The following MAGI2 variants were observed in gnomAD, a reference collection of about 807,000 sequenced individuals.
MAGI2 encodes membrane-associated guanylate kinase, WW and PDZ domain-containing protein 2.
In MAGI2, 35 loss-of-function variants were observed where a neutral mutation model predicts 133.3. The ratio of observed to expected loss-of-function variants is 0.26; its 90% CI spans 0.20 to 0.35. The LOEUF is 0.35. MAGI2 is among the 10% of genes least tolerant of loss of function. The pLI is 1.00. For synonymous variants in MAGI2, 729 were observed against 710.6 expected, an observed-to-expected ratio of 1.03 and a Z score of -0.41; for missense variants, 1,636 against 1,863.4, an observed-to-expected ratio of 0.88 and a Z score of 2.25.
At chr7:79,146,846 C>T (rs1338968459) in intron 1 of MAGI2, among the ~76,000 whole-genome samples, 1 of 152,206 alleles carries the variant, frequency 6.6e-6, no homozygotes, top group Non-Finnish European at 1.5e-5. Context: ...TCTTTTCCAT[C>T]TAATAGGGGA....
chr7:78,765,338 C>CT (rs1204112526), intron 2 of MAGI2, among the ~76,000 whole-genome samples: 1 of 117,712 alleles, frequency 8.5e-6, no homozygotes, highest in Non-Finnish European at 1.7e-5. Flanking sequence ...ATGTTTAGTG[C>CT]ACATCTTTTT....
intron 10 of MAGI2, among the ~76,000 whole-genome samples, chr7:78,208,483 A>G (rs1787349832): frequency 6.6e-6 from 1 of 152,220 alleles, no homozygotes; most frequent in Non-Finnish European, 1.5e-5. Flanking sequence ...GCTAAAACTC[A>G]GAGTGAGGTG....
At chr7:79,075,007 A>G (rs942013662) in intron 1 of MAGI2, among the ~76,000 whole-genome samples, 14 of 152,072 alleles carry the variant, frequency 9.2e-5, no homozygotes, top group African/African-American at 3.1e-4. Flanking sequence ...TCATTCTAAT[A>G]TTTTTCTATA....
chr7:78,027,414 G>T (rs1408306113), intron 21 of MAGI2, among the ~76,000 whole-genome samples: 1 of 152,042 alleles, frequency 6.6e-6, no homozygotes, highest in Non-Finnish European at 1.5e-5. Flanking sequence ...GATCACCTGA[G>T]GTCAGGAGTT....
intron 1 of MAGI2, among the ~76,000 whole-genome samples, chr7:79,127,480 A>T (rs9801543): frequency 2.0e-5 from 3 of 150,852 alleles, no homozygotes; most frequent in African/African-American, 7.3e-5. Context: ...TGACTTTTTA[A>T]TGATTGCCAT....
chr7:78,796,630 A>G (rs970157468), intron 2 of MAGI2, among the ~76,000 whole-genome samples: 2 of 152,132 alleles, frequency 1.3e-5, no homozygotes, highest in Non-Finnish European at 2.9e-5. Flanking sequence ...ACTGCTGTGT[A>G]TATATATTCA....
At chr7:78,081,407 C>G (rs2151192075) in intron 20 of MAGI2, among the ~76,000 whole-genome samples, 1 of 152,276 alleles carries the variant, frequency 6.6e-6, no homozygotes, top group Non-Finnish European at 1.5e-5. Flanking sequence ...GTAAATAAGG[C>G]TATTACTACT....
chr7:78,909,421 G>A (rs1311285656), intron 2 of MAGI2, among the ~76,000 whole-genome samples: 4 of 138,470 alleles, frequency 2.9e-5, no homozygotes, highest in African/African-American at 5.4e-5. Flanking sequence ...GTGAAACCCC[G>A]TCTCTACTAA....
At chr7:79,289,885 TA>T (rs1284148054) in intron 1 of MAGI2, among the ~76,000 whole-genome samples, 16 of 151,842 alleles carry the variant, frequency 1.1e-4, no homozygotes, top group Admixed American at 9.8e-4. Flanking sequence ...AAAAAAAATT[TA>T]AAAAATAAAA....
chr7:78,494,843 A>T (rs979975865), intron 5 of MAGI2, among the ~76,000 whole-genome samples: 1 of 152,188 alleles, frequency 6.6e-6, no homozygotes, highest in Non-Finnish European at 1.5e-5. Context: ...CAAATAGCCA[A>T]TTCTGAATCT....
At position 79,001,797 on chromosome 7, in the gene MAGI2, T is replaced by C. The variant is rs1426725157; in HGVS notation, c.418+5293A>G. Among the ~76,000 whole-genome samples, 6 of 152,338 alleles carry C rather than the reference T, an allele frequency of 3.9e-5. No homozygotes were observed. In the East Asian group the frequency reaches 1.2e-3, roughly 29 times the overall value. On this transcript the variant is annotated intron_variant, in intron 2 of 21. Transcript: ENST00000354212. ...ATATTACCCAAGAGACAATGCATGCTGCCTTAACTTTGCACATTTAACATG... is the reference window on the plus strand; with the variant it reads ...ATATTACCCAAGAGACAATGCATGCCGCCTTAACTTTGCACATTTAACATG...
chr7:78,114,670 G>A (rs989576610), intron 20 of MAGI2, among the ~76,000 whole-genome samples: 3 of 152,180 alleles, frequency 2.0e-5, no homozygotes, highest in African/African-American at 7.2e-5. Flanking sequence ...AGGGGACCAT[G>A]CTTCTCTGTG....
intron 2 of MAGI2, among the ~76,000 whole-genome samples, chr7:78,838,895 G>T (rs968022550): frequency 1.3e-5 from 2 of 152,042 alleles, no homozygotes; most frequent in Non-Finnish European, 2.9e-5. Context: ...GATTCCAAGT[G>T]TTATAACACT....
chr7:79,238,909 C>G (rs531401260), intron 1 of MAGI2, among the ~76,000 whole-genome samples: 4 of 152,132 alleles, frequency 2.6e-5, no homozygotes, highest in Middle Eastern at 3.4e-3. Flanking sequence ...CAAACTGGGT[C>G]TGATAAAAGA....
At chr7:78,660,016 G>C (rs191647375) in intron 2 of MAGI2, among the ~76,000 whole-genome samples, 6 of 151,614 alleles carry the variant, frequency 4.0e-5, no homozygotes, top group African/African-American at 1.5e-4. Context: ...GCAAACTATT[G>C]CAAGGACAAA....
At chr7:78,662,615 A>G (rs1339976663) in intron 2 of MAGI2, among the ~76,000 whole-genome samples, 1 of 152,184 alleles carries the variant, frequency 6.6e-6, no homozygotes, top group African/African-American at 2.4e-5. Context: ...ATGGAATTCA[A>G]TTCTATAGTG....
At chr7:79,244,357 G>C (rs182573630) in intron 1 of MAGI2, among the ~76,000 whole-genome samples, 1 of 152,146 alleles carries the variant, frequency 6.6e-6, no homozygotes, top group East Asian at 1.9e-4. Context: ...GCACAGAAGA[G>C]GGTAAGAAAG....
intron 6 of MAGI2, among the ~76,000 whole-genome samples, chr7:78,446,840 A>G (rs1788193626): frequency 6.6e-6 from 1 of 152,130 alleles, no homozygotes; most frequent in South Asian, 2.1e-4. Flanking sequence ...AGCATGAAAC[A>G]ACCAGGCTAC....
chr7:78,551,148 C>T (rs1799300576), intron 3 of MAGI2, among the ~76,000 whole-genome samples: 1 of 152,164 alleles, frequency 6.6e-6, no homozygotes, highest in Non-Finnish European at 1.5e-5. Context: ...TGTATCTTAA[C>T]AATGCTTCCT....
Sources: gnomAD v4.1 joint callset for allele counts (sites outside exome capture counted in the v4.1 genomes callset) on GRCh38, gnomAD v4.1.1 for gene constraint, MANE v1.5 for transcripts, NCBI Gene and HGNC (gene_info 2026-07-23, HGNC 2026-07-21) for gene names.